The following CTNNA3 variants were observed in gnomAD, a reference collection of about 807,000 sequenced individuals.
CTNNA3 encodes catenin alpha 3.
CTNNA3 carries 76 observed loss-of-function variants against 95.7 expected under a neutral mutation model. That is an observed-to-expected ratio of 0.79 (90% CI 0.66 to 0.96). The LOEUF is 0.96. Among genes scored for constraint, CTNNA3 ranks in the 40% least tolerant of loss-of-function variants. The pLI is 0.00. For synonymous variants in CTNNA3, 431 were observed against 374.4 expected, an observed-to-expected ratio of 1.15 and a Z score of -1.74; for missense variants, 1,191 against 1,089.8, an observed-to-expected ratio of 1.09 and a Z score of -1.31.
intron 5 of CTNNA3, among the ~76,000 whole-genome samples, chr10:67,368,650 G>C (rs1368072564): frequency 6.6e-6 from 1 of 152,058 alleles, no homozygotes; most frequent in Non-Finnish European, 1.5e-5. Context: ...ACGAATAATG[G>C]TATCCATACA....
Position 66,776,797 on chromosome 10 carries a change from A to C in CTNNA3, c.1048-1273T>G, listed in dbSNP as rs74822089. 4.7e-3 allele frequency among the ~76,000 whole-genome samples: 711 copies of C among 152,196 alleles called. 5 individuals are homozygous for C. The highest frequency in any genetic ancestry group is 0.017 in the African/African-American group (692 of 41,526). On this transcript the variant is annotated intron_variant, in intron 7 of 17. Transcript: ENST00000433211. ...TTTTCCTTTTTCCAACAGCATTTTGAGTGTTTTTCAATATAATCATTTTAT... is the reference window on the plus strand; with the variant it reads ...TTTTCCTTTTTCCAACAGCATTTTGCGTGTTTTTCAATATAATCATTTTAT...
intron 14 of CTNNA3, among the ~76,000 whole-genome samples, chr10:66,090,877 G>A (rs2081187189): frequency 2.0e-5 from 3 of 151,944 alleles, no homozygotes. Context: ...ATAAATGTAA[G>A]TTAGAAGTTA....
chr10:67,260,257 CAG>C (rs1188104264), intron 5 of CTNNA3, among the ~76,000 whole-genome samples: 1 of 151,948 alleles, frequency 6.6e-6, no homozygotes, highest in East Asian at 1.9e-4. Flanking sequence ...AACAGAAACT[CAG>C]AAGATGCTAC....
upstream of CTNNA3, among the ~76,000 whole-genome samples, chr10:67,699,977 C>T (rs1354903859): frequency 6.6e-6 from 1 of 152,254 alleles, no homozygotes; most frequent in East Asian, 1.9e-4. Flanking sequence ...TTATATCCCG[C>T]ACATGCTTTG....
chr10:67,721,057 A>G (rs1346001181), intron 1 of CTNNA3, among the ~76,000 whole-genome samples: 2 of 152,144 alleles, frequency 1.3e-5, no homozygotes, highest in Admixed American at 6.6e-5. Context: ...GGGTAACCCA[A>G]CCTTTCTCTC....
chr10:67,730,040 T>C (rs896011027), intron 1 of CTNNA3, among the ~76,000 whole-genome samples: 1 of 152,116 alleles, frequency 6.6e-6, no homozygotes, highest in Non-Finnish European at 1.5e-5. Flanking sequence ...TAAATAATCC[T>C]GAATGCTAAT....
At chr10:66,517,215 T>C (rs1277797808) in intron 11 of CTNNA3, among the ~76,000 whole-genome samples, 1 of 152,000 alleles carries the variant, frequency 6.6e-6, no homozygotes, top group African/African-American at 2.4e-5. Flanking sequence ...AGAGAGACTC[T>C]GTCTCAAAAT....
chr10:65,970,353 C>T (rs1029225489), intron 16 of CTNNA3, among the ~76,000 whole-genome samples: 13 of 151,970 alleles, frequency 8.6e-5, no homozygotes, highest in Non-Finnish European at 1.8e-4. Context: ...AGATCTATAG[C>T]GCAATCAAAC....
At chr10:66,998,827 G>C (rs1851516795) in intron 7 of CTNNA3, among the ~76,000 whole-genome samples, 1 of 152,048 alleles carries the variant, frequency 6.6e-6, no homozygotes. Flanking sequence ...GATTGTGGGA[G>C]ATACAAATAA....
intron 3 of CTNNA3, among the ~76,000 whole-genome samples, chr10:67,605,939 G>A (rs1211655656): frequency 6.6e-6 from 1 of 152,140 alleles, no homozygotes; most frequent in Non-Finnish European, 1.5e-5. Context: ...CCAAAGTGCT[G>A]GGATTACAGG....
Position 66,085,228 on chromosome 10 carries a change from T to C in CTNNA3, c.1978-15739A>G, listed in dbSNP as rs572363519. On this transcript the variant is annotated intron_variant, in intron 14 of 17. Coordinates refer to ENST00000433211, the MANE Select transcript of CTNNA3 (RefSeq NM_013266.4). ...ACAATATATTTTCATTCAGGATTAT[T>C]AATAAAATGCTCATGTTAGTGATAC... Among the ~76,000 whole-genome samples, 30 of 152,240 alleles carry C rather than the reference T, an allele frequency of 2.0e-4. No individual in the cohort carries two copies. The South Asian group carries it at 5.6e-3, about 28-fold the overall frequency.
chr10:66,376,327 A>T (rs756513324), intron 12 of CTNNA3, among the ~76,000 whole-genome samples: 2 of 152,162 alleles, frequency 1.3e-5, no homozygotes, highest in Non-Finnish European at 1.5e-5. Context: ...AACAGGGATA[A>T]ATGGGGTGGA....
intron 7 of CTNNA3, among the ~76,000 whole-genome samples, chr10:66,855,109 A>G (rs768115652): frequency 5.9e-5 from 9 of 151,972 alleles, no homozygotes; most frequent in Non-Finnish European, 1.3e-4. Context: ...ATAGTGCTGT[A>G]AGAAGTTATC....
At chr10:65,927,836 G>A (rs570274540) in intron 17 of CTNNA3, among the ~76,000 whole-genome samples, 97 of 152,136 alleles carry the variant, frequency 6.4e-4, no homozygotes, top group African/African-American at 2.3e-3. Flanking sequence ...ATGTTCTGTT[G>A]TTAAGTATGT....
intron 11 of CTNNA3, among the ~76,000 whole-genome samples, chr10:66,421,899 T>TGTGTATATATATATATGTATATATATAC (rs369445065): frequency 5.7e-5 from 3 of 52,392 alleles, no homozygotes; most frequent in African/African-American, 3.4e-4. Flanking sequence ...ATAAATGTGA[T>TGTGTATATATATATATGTATATATATAC]ATATATATAT....
At chr10:67,442,790 T>G (rs942244810) in intron 5 of CTNNA3, among the ~76,000 whole-genome samples, 1 of 151,990 alleles carries the variant, frequency 6.6e-6, no homozygotes, top group African/African-American at 2.4e-5. Flanking sequence ...CACCCTACTT[T>G]CTTTTTTTTT....
At chr10:66,549,201 A>C (rs1842138490) in intron 10 of CTNNA3, among the ~76,000 whole-genome samples, 1 of 151,674 alleles carries the variant, frequency 6.6e-6, no homozygotes, top group South Asian at 2.1e-4. Flanking sequence ...TCACCTTGTT[A>C]GCCAGGATGC....
chr10:66,623,317 T>C (rs1844816900), intron 9 of CTNNA3, among the ~76,000 whole-genome samples: 1 of 152,154 alleles, frequency 6.6e-6, no homozygotes, highest in Admixed American at 6.5e-5. Context: ...AGAAGAATGC[T>C]GGTTAACCCA....
intron 11 of CTNNA3, among the ~76,000 whole-genome samples, chr10:66,436,981 A>G (rs1326137582): frequency 1.3e-5 from 2 of 152,108 alleles, no homozygotes; most frequent in Non-Finnish European, 2.9e-5. Flanking sequence ...TTTTGGGTTG[A>G]AAATTCTTTT....
Sources: gnomAD v4.1 joint callset for allele counts (sites outside exome capture counted in the v4.1 genomes callset) on GRCh38, gnomAD v4.1.1 for gene constraint, MANE v1.5 for transcripts, NCBI Gene and HGNC (gene_info 2026-07-23, HGNC 2026-07-21) for gene names.